Variants in PTPRE observed in about 807,000 individuals in gnomAD.
PTPRE encodes receptor-type tyrosine-protein phosphatase epsilon.
In PTPRE, 51 loss-of-function variants were observed where a neutral mutation model predicts 102.0. That is an observed-to-expected ratio of 0.50 (90% CI 0.40 to 0.63). The LOEUF is 0.63. PTPRE is among the 30% of genes least tolerant of loss of function. PTPRE has a pLI of 0.00. For missense variants in PTPRE, 752 were observed against 915.1 expected (o/e 0.82, Z 2.30); for synonymous variants, 345 against 348.2 (o/e 0.99, Z 0.10).
At chr10:127,996,125 G>A (rs1853239790) in intron 2 of PTPRE, among the ~76,000 whole-genome samples, 1 of 152,202 alleles carries the variant, frequency 6.6e-6, no homozygotes, top group South Asian at 2.1e-4. Context: ...TCCCAGTGTG[G>A]ACGTGGAGTA....
intron 5 of PTPRE, among the ~76,000 whole-genome samples, chr10:128,048,231 G>T (rs537197953): frequency 6.6e-6 from 1 of 152,284 alleles, no homozygotes; most frequent in South Asian, 2.1e-4. Context: ...AAAGAGACTC[G>T]CTCTCCTGAA....
At position 128,008,618 on chromosome 10, in the gene PTPRE, C is replaced by T. The variant is rs1383107417; in HGVS notation, c.-8+26322C>T. On this transcript the variant is annotated intron_variant, in intron 2 of 20. Coordinates refer to ENST00000254667, the MANE Select transcript of PTPRE (RefSeq NM_006504.6). This position sits in a 1 kb window ranked among gnomAD's most constrained non-coding sequence, Gnocchi z 4.0. The stretch of plus-strand genomic sequence containing the variant: ...TTTGCTTTTGGTATGGGAAGGAGCC[C>T]GACACACCTGGTCTTTCTCAACTCC... 1.3e-5 allele frequency among the ~76,000 whole-genome samples: 2 copies of T among 152,070 alleles called. No individual in the cohort carries two copies. The highest frequency in any genetic ancestry group is 2.9e-5 in the Non-Finnish European group (2 of 68,014).
At chr10:128,026,336 C>T (rs985202629) in intron 2 of PTPRE, among the ~76,000 whole-genome samples, 7 of 152,240 alleles carry the variant, frequency 4.6e-5, no homozygotes, top group Admixed American at 1.3e-4. Context: ...GCCCCCTGCA[C>T]GCTTGCCAGC....
intron 2 of PTPRE, among the ~76,000 whole-genome samples, chr10:128,002,426 A>G (rs1167796499): frequency 6.6e-6 from 1 of 152,062 alleles, no homozygotes; most frequent in Non-Finnish European, 1.5e-5. Flanking sequence ...AGTAGTGGGG[A>G]GCACCCTCTA....
chr10:128,079,374 A>G (rs1851505182), intron 19 of PTPRE, among the ~76,000 whole-genome samples, 186 bp from the exon 20 acceptor site: 1 of 152,226 alleles, frequency 6.6e-6, no homozygotes. Flanking sequence ...TAGGAATTTT[A>G]CATTTGCTAA....
intron 2 of PTPRE, among the ~76,000 whole-genome samples, chr10:127,982,510 G>A (rs1459908520): frequency 6.7e-6 from 1 of 148,734 alleles, no homozygotes; most frequent in African/African-American, 2.4e-5. Context: ...GTGTGTGTGT[G>A]TGTGTGTGTG....
At chr10:127,990,327 A>G (rs890327544) in intron 2 of PTPRE, among the ~76,000 whole-genome samples, 1 of 147,650 alleles carries the variant, frequency 6.8e-6, no homozygotes, top group African/African-American at 2.5e-5. Context: ...CAGGAGAATC[A>G]CTTGAACCCA....
At chr10:127,913,039 C>T (rs912834831) in intron 1 of PTPRE, among the ~76,000 whole-genome samples, 7 of 152,238 alleles carry the variant, frequency 4.6e-5, no homozygotes, top group African/African-American at 1.7e-4. Context: ...GATGGGGGCC[C>T]ATGAGACTGA....
intron 3 of PTPRE, among the ~76,000 whole-genome samples, chr10:128,044,842 C>T (rs1847962101): frequency 6.6e-6 from 1 of 152,224 alleles, no homozygotes; most frequent in African/African-American, 2.4e-5. Flanking sequence ...TCCTGGTCCA[C>T]ACCATTTAAA....
At chr10:128,068,029 C>T (rs983298548) in intron 11 of PTPRE, 94 bp from the exon 12 acceptor site, 6 of 1,421,676 alleles carry the variant, frequency 4.2e-6, no homozygotes, top group African/African-American at 2.8e-5. Flanking sequence ...AGCCCCAGCA[C>T]AGGGGAGCCC....
chr10:128,068,344 C>G (rs1041937167), intron 12 of PTPRE, 58 bp downstream of exon 12: 1 of 1,546,602 alleles, frequency 6.5e-7, no homozygotes, highest in Non-Finnish European at 8.8e-7. Flanking sequence ...TGGGATGACT[C>G]ATCCTCATGG....
chr10:127,994,750 C>T (rs907095727), intron 2 of PTPRE, among the ~76,000 whole-genome samples: 1 of 152,256 alleles, frequency 6.6e-6, no homozygotes, highest in South Asian at 2.1e-4. Context: ...AGCCCGATGT[C>T]GCAGGGGCTG....
chr10:128,047,809 G>A lies in PTPRE; in HGVS notation c.255G>A (p.Lys85=), dbSNP rs1342395133. The A allele has an allele frequency of 6.2e-7, 1 of 1,604,828 alleles. No individual in the cohort carries two copies. The highest frequency in any genetic ancestry group is 8.5e-7 in the Non-Finnish European group (1 of 1,172,744). Residue 85 remains lysine (K), a synonymous_variant, in exon 5 of 21, where the codon AAG becomes AAA. Coordinates refer to ENST00000254667, the MANE Select transcript of PTPRE (RefSeq NM_006504.6). ...CTGTGGTCAGCACCAGCGACAAGAA[G>A]ATGCCCAACGGAATCTTGGAGGAGC... ...RKAVVSTSDK[K]MPNGILEEQE...
At chr10:127,937,364 C>T (rs1030835123) in intron 1 of PTPRE, among the ~76,000 whole-genome samples, 1 of 152,216 alleles carries the variant, frequency 6.6e-6, no homozygotes. Context: ...CAACTCCACA[C>T]TTGCCCAAAT....
chr10:128,068,576 G>A (rs760380170), intron 12 of PTPRE: 57 of 252,626 alleles, frequency 2.3e-4, no homozygotes, highest in Non-Finnish European at 3.7e-4. Context: ...ACCTCTCCCC[G>A]GGAATCCCAA....
chr10:128,012,857 C>T (rs1476822536), intron 2 of PTPRE, among the ~76,000 whole-genome samples: 3 of 152,162 alleles, frequency 2.0e-5, no homozygotes, highest in African/African-American at 7.2e-5. Context: ...GCAAGGTTGT[C>T]GAATCTGGTT....
At chr10:127,943,365 G>A (rs1848388441) in intron 1 of PTPRE, among the ~76,000 whole-genome samples, 1 of 152,188 alleles carries the variant, frequency 6.6e-6, no homozygotes, top group South Asian at 2.1e-4. Context: ...TGAGGAGTAG[G>A]TTGCTAATCC....
intron 1 of PTPRE, among the ~76,000 whole-genome samples, chr10:127,918,072 C>T (rs1212669880): frequency 5.9e-5 from 9 of 151,778 alleles, no homozygotes; most frequent in Admixed American, 1.3e-4. Flanking sequence ...TCAGAGAAGT[C>T]GGCTCACAGG....
intron 1 of PTPRE, among the ~76,000 whole-genome samples, chr10:127,968,220 G>A (rs1226022973): frequency 6.6e-6 from 1 of 152,188 alleles, no homozygotes; most frequent in East Asian, 1.9e-4. Flanking sequence ...TATGTTGTTG[G>A]AAAGTTATCT....
Sources: gnomAD v4.1 joint callset for allele counts (sites outside exome capture counted in the v4.1 genomes callset) on GRCh38, gnomAD v4.1.1 for gene constraint, Gnocchi (gnomAD v3.1) non-coding constraint, MANE v1.5 for transcripts, NCBI Gene and HGNC (gene_info 2026-07-23, HGNC 2026-07-21) for gene names.